The following AKAP19 variants were observed in gnomAD, a reference collection of about 807,000 sequenced individuals.
AKAP19 encodes the protein A-kinase anchoring protein 19.
At chr2:189,898,540 A>G in the AKAP19 span, among the ~76,000 whole-genome samples, 245 of 152,132 alleles carry the variant, frequency 1.6e-3, no homozygotes, top group African/African-American at 5.8e-3. Context: ...CTCTACTCAT[A>G]TCTTCTTTTG....
chr2:189,997,023 G>A, the AKAP19 span, among the ~76,000 whole-genome samples: 4 of 152,212 alleles, frequency 2.6e-5, no homozygotes, highest in Non-Finnish European at 5.9e-5. Context: ...GACGGCAAGA[G>A]TCCTTGGTTG....
At chr2:190,173,124 A>AAAAAT in the AKAP19 span, among the ~76,000 whole-genome samples, 14 of 151,938 alleles carry the variant, frequency 9.2e-5, no homozygotes, top group Admixed American at 3.3e-4. Flanking sequence ...CAAAAAAAAT[A>AAAAAT]AAATAAAATA....
At chr2:190,177,116 A>G in the AKAP19 span, among the ~76,000 whole-genome samples, 2 of 152,150 alleles carry the variant, frequency 1.3e-5, no homozygotes, top group Non-Finnish European at 2.9e-5. This position sits in a 1 kb window ranked among gnomAD's most constrained non-coding sequence, Gnocchi z 4.6. Context: ...TTCATATCCC[A>G]TAATGGTATT....
the AKAP19 span, among the ~76,000 whole-genome samples, chr2:190,153,730 C>G: frequency 1.3e-5 from 2 of 152,046 alleles, no homozygotes; most frequent in Non-Finnish European, 2.9e-5. Context: ...TTCTTGCATT[C>G]TTACATAAGC....
the AKAP19 span, among the ~76,000 whole-genome samples, chr2:189,959,535 T>C: frequency 7.2e-5 from 11 of 152,266 alleles, no homozygotes; most frequent in East Asian, 2.1e-3. Context: ...TATTTAGAAA[T>C]TGCCATTCCC....
At chr2:190,012,635 T>G in the AKAP19 span, among the ~76,000 whole-genome samples, 1 of 152,220 alleles carries the variant, frequency 6.6e-6, no homozygotes, top group Non-Finnish European at 1.5e-5. Flanking sequence ...GGTAAGAACT[T>G]TCAGTACAAT....
the AKAP19 span, among the ~76,000 whole-genome samples, chr2:189,900,834 G>T: frequency 4.6e-4 from 70 of 152,282 alleles, no homozygotes; most frequent in Middle Eastern, 3.4e-3. Context: ...CAAGACAGGA[G>T]CTGACTGCAA....
the AKAP19 span, among the ~76,000 whole-genome samples, chr2:190,106,297 G>A: frequency 6.6e-6 from 1 of 152,148 alleles, no homozygotes; most frequent in African/African-American, 2.4e-5. Flanking sequence ...TGTCACTGGA[G>A]GTTGCTAGCT....
the AKAP19 span, among the ~76,000 whole-genome samples, chr2:190,152,053 A>G: frequency 2.6e-5 from 4 of 151,412 alleles, no homozygotes; most frequent in Admixed American, 6.6e-5. Flanking sequence ...GCCAGGCTCC[A>G]TGGCTCACTC....
At chr2:189,933,503 C>G in the AKAP19 span, among the ~76,000 whole-genome samples, 1 of 152,000 alleles carries the variant, frequency 6.6e-6, no homozygotes, top group East Asian at 1.9e-4. Context: ...ATTTTACTGC[C>G]TAAATATCTA....
the AKAP19 span, among the ~76,000 whole-genome samples, chr2:190,074,782 A>G: frequency 1.3e-5 from 2 of 152,244 alleles, no homozygotes. Context: ...GTATTGGGAC[A>G]GAAAACTAGC....
chr2:190,192,233 T>C, the AKAP19 span, among the ~76,000 whole-genome samples: 2 of 152,152 alleles, frequency 1.3e-5, no homozygotes, highest in African/African-American at 4.8e-5. Context: ...TTCATTGTTT[T>C]TGGACATGTC....
the AKAP19 span, among the ~76,000 whole-genome samples, chr2:190,046,929 T>C: frequency 1.3e-5 from 2 of 152,188 alleles, no homozygotes; most frequent in South Asian, 2.1e-4. Flanking sequence ...TTCTGAGAAG[T>C]GATATATAGG....
chr2:190,002,189 G>A, the AKAP19 span, among the ~76,000 whole-genome samples: 2 of 152,194 alleles, frequency 1.3e-5, no homozygotes, highest in African/African-American at 4.8e-5. Context: ...ATGCTTCTTA[G>A]ACTGTCATGT....
the AKAP19 span, chr2:189,923,684 C>G: frequency 1.2e-6 from 2 of 1,613,854 alleles, no homozygotes; most frequent in South Asian, 2.2e-5. Flanking sequence ...TGACTTTCAA[C>G]GGGACTATTA....
chr2:189,880,895 G>A, the AKAP19 span, among the ~76,000 whole-genome samples: 1 of 152,192 alleles, frequency 6.6e-6, no homozygotes, highest in African/African-American at 2.4e-5. Context: ...TGTTCTTGGA[G>A]TGGAGCATTT....
At chr2:190,085,322 A>G in the AKAP19 span, among the ~76,000 whole-genome samples, 2 of 152,220 alleles carry the variant, frequency 1.3e-5, no homozygotes, top group African/African-American at 4.8e-5. Flanking sequence ...ATAACAGTGT[A>G]TTTCAGTAAC....
At chr2:189,932,145 G>T in the AKAP19 span, among the ~76,000 whole-genome samples, 1 of 152,164 alleles carries the variant, frequency 6.6e-6, no homozygotes, top group Admixed American at 6.5e-5. Context: ...ACCAAAAAGG[G>T]ATAATTCCTC....
chr2:189,976,868 C>T, the AKAP19 span, among the ~76,000 whole-genome samples: 48 of 152,262 alleles, frequency 3.2e-4, no homozygotes, highest in Admixed American at 2.0e-3. Flanking sequence ...TTCCCGGTGC[C>T]GTCTGTCACA....
Sources: gnomAD v4.1 joint callset for allele counts (sites outside exome capture counted in the v4.1 genomes callset) on GRCh38, gnomAD v4.1.1 for gene constraint, Gnocchi (gnomAD v3.1) non-coding constraint, MANE v1.5 for transcripts, NCBI Gene and HGNC (gene_info 2026-07-23, HGNC 2026-07-21) for gene names.